Variants in RNF187 observed in about 807,000 individuals in gnomAD.
RNF187 encodes ring finger protein 187, also known as E3 ubiquitin-protein ligase RNF187.
Under a neutral mutation model 22.2 loss-of-function variants are expected in RNF187, and 18 were observed. That is an observed-to-expected ratio of 0.81 (90% CI 0.56 to 1.20). The LOEUF (loss-of-function observed/expected upper bound fraction) is 1.20. Among genes scored for constraint, RNF187 ranks in the 50% most tolerant of loss-of-function variants. The pLI, the probability that RNF187 is intolerant of heterozygous loss-of-function variation, is 0.00. For synonymous variants in RNF187, 164 were observed against 140.9 expected (o/e 1.16, Z -1.16); for missense variants, 329 against 317.6 (o/e 1.04, Z -0.27).
chr1:228,495,781 CTA>C lies in RNF187; in HGVS notation c.*1898_*1899del. On this transcript the variant is annotated 3_prime_UTR_variant, in exon 4 of 4. Transcript: ENST00000305943. ...GGGGCACAGTGTGATGTTTTGATATCTATGTACATTGTGGAGTGACAGATTAA... is the reference window on the plus strand; with the variant it reads ...GGGGCACAGTGTGATGTTTTGATATCTGTACATTGTGGAGTGACAGATTAA... 2 of 967,390 alleles carry C rather than the reference CTA, an allele frequency of 2.1e-6. No individual in the cohort carries two copies. The highest frequency in any genetic ancestry group is 1.1e-4 in the East Asian group (1 of 8,738). 59.9% of individuals were successfully genotyped at this position (967,390 alleles called of 1,614,324 possible).
chr1:228,487,389 T>C lies in RNF187; in HGVS notation c.-100T>C, dbSNP rs934836566. The C allele has an allele frequency of 4.9e-6, 5 of 1,013,356 alleles. No individual in the cohort carries two copies. The highest frequency in any genetic ancestry group is 1.2e-4 in the Admixed American group (2 of 17,210). The allele number at this position is 1,013,356 out of a possible 1,614,324, so 62.8% of individuals were successfully genotyped here. On this transcript the variant is annotated 5_prime_UTR_variant, in exon 1 of 4. Coordinates refer to ENST00000305943, the MANE Select transcript of RNF187 (RefSeq NM_001010858.3). The stretch of plus-strand genomic sequence containing the variant: ...CCCGTGCGCGTCCCCGGCGTTGGCG[T>C]CTTCGTCCTGTTGCTGGTCTCCGTC...
chr1:228,493,661 C>G lies in RNF187; in HGVS notation c.706-222C>G. On this transcript the variant is annotated intron_variant, in intron 3 of 3. Coordinates refer to ENST00000305943, the MANE Select transcript of RNF187 (RefSeq NM_001010858.3). This position sits in a 1 kb window ranked among gnomAD's most constrained non-coding sequence, Gnocchi z 4.7. ...AGACCCTGCAGCAACCCAGATGGCCCTGAACGGTTCAGTTGCCCGTGCCAG... is the reference window on the plus strand; with the variant it reads ...AGACCCTGCAGCAACCCAGATGGCCGTGAACGGTTCAGTTGCCCGTGCCAG... Among the ~76,000 whole-genome samples, 1 of 152,258 alleles carries G rather than the reference C, an allele frequency of 6.6e-6. No individual in the cohort carries two copies. The highest frequency in any genetic ancestry group is 2.4e-5 in the African/African-American group (1 of 41,478).
intron 2 of RNF187, among the ~76,000 whole-genome samples, chr1:228,492,617 G>GC: frequency 7.7e-6 from 1 of 129,072 alleles, no homozygotes; most frequent in African/African-American, 3.2e-5. Context: ...CCCGTGCCTG[G>GC]CTTTTTTTTT....
At position 228,495,409 on chromosome 1, in the gene RNF187, G is replaced by A; in HGVS notation, c.*1524G>A. ...CTAAAACTGGATTTCATAAGAAAGG[G>A]CAAAGAGGGCCCTAGGAGAAGATTC... is the stretch of plus-strand genomic sequence containing the variant. On this transcript the variant is annotated 3_prime_UTR_variant, in exon 4 of 4. Coordinates refer to ENST00000305943, the MANE Select transcript of RNF187 (RefSeq NM_001010858.3). 3 of 921,294 alleles carry A rather than the reference G, an allele frequency of 3.3e-6. No homozygotes were observed. The highest frequency in any genetic ancestry group is 3.9e-6 in the Non-Finnish European group (3 of 771,628). 57.1% of individuals were successfully genotyped at this position (921,294 alleles called of 1,614,324 possible).
intron 2 of RNF187, among the ~76,000 whole-genome samples, chr1:228,492,700 C>G: frequency 6.9e-6 from 1 of 145,062 alleles, no homozygotes; most frequent in Non-Finnish European, 1.5e-5. Context: ...AACTCGGGCT[C>G]ACTGCAACCT....
At position 228,491,446 on chromosome 1, in the gene RNF187, A is replaced by AT; in HGVS notation, c.484-1595dup. ...GGGTTAATGGGAGAAAAAACATAGG[A>AT]TTTTTTTTTTTTGAGATGGAGTCTT... On this transcript the variant is annotated intron_variant, in intron 2 of 3. Coordinates refer to ENST00000305943, the MANE Select transcript of RNF187 (RefSeq NM_001010858.3). 3.1e-3 allele frequency among the ~76,000 whole-genome samples: 433 copies of AT among 140,852 alleles called. 2 individuals carry two copies. Among genetic ancestry groups the AT allele is most frequent in the African/African-American group, 6.2e-3 (238 of 38,692 alleles). The allele number at this position is 140,852 out of a possible 152,430, so 92.4% of individuals were successfully genotyped here.
Position 228,495,400 on chromosome 1 carries a change from TAAGA to T in RNF187, c.*1519_*1522del. ...GGGTTCTTGCTAAAACTGGATTTCA[TAAGA>T]AAGGGCAAAGAGGGCCCTAGGAGAA... On this transcript the variant is annotated 3_prime_UTR_variant, in exon 4 of 4. Transcript: ENST00000305943. 5.0e-5 allele frequency: 44 copies of T among 888,352 alleles called. No individual in the cohort carries two copies. Among genetic ancestry groups the T allele is most frequent in the African/African-American group, 2.2e-4 (12 of 55,208 alleles). 55.0% of individuals were successfully genotyped at this position (888,352 alleles called of 1,614,324 possible). A position where few individuals can be genotyped will look rare whatever the true frequency, so the allele number is the denominator to read the frequency against.
chr1:228,489,664 A>T, intron 2 of RNF187, among the ~76,000 whole-genome samples: 1 of 152,204 alleles, frequency 6.6e-6, no homozygotes, highest in South Asian at 2.1e-4. Context: ...CTAGAAGTCC[A>T]AGATGAAGGA....
Position 228,493,525 on chromosome 1 carries a change from C to A in RNF187, c.705+251C>A. 5.9e-5 allele frequency among the ~76,000 whole-genome samples: 9 copies of A among 152,228 alleles called. No individual in the cohort carries two copies. Among genetic ancestry groups the A allele is most frequent in the African/African-American group, 2.2e-4 (9 of 41,452 alleles). On this transcript the variant is annotated intron_variant, in intron 3 of 3. Coordinates refer to ENST00000305943, the MANE Select transcript of RNF187 (RefSeq NM_001010858.3). This position sits in a 1 kb window ranked among gnomAD's most constrained non-coding sequence, Gnocchi z 4.7. Reference sequence around the variant, plus strand: ...GGAGGGCACTTGGCATCCCGAGTGCCCGAGCATGGAAGGCTCCTGCCTCGC... The same window carrying A: ...GGAGGGCACTTGGCATCCCGAGTGCACGAGCATGGAAGGCTCCTGCCTCGC...
Position 228,494,161 on chromosome 1 carries a change from T to C in RNF187, c.*276T>C. On this transcript the variant is annotated 3_prime_UTR_variant, in exon 4 of 4. Coordinates refer to ENST00000305943, the MANE Select transcript of RNF187 (RefSeq NM_001010858.3). Reference sequence around the variant, plus strand: ...CTAGCCACAGCCCATCCTCCATGAGTCCCGGCAGCTCTGGGTCATGCCCTT... The same window carrying C: ...CTAGCCACAGCCCATCCTCCATGAGCCCCGGCAGCTCTGGGTCATGCCCTT... 2 of 1,401,452 alleles carry C rather than the reference T, an allele frequency of 1.4e-6. No homozygotes were observed. The highest frequency in any genetic ancestry group is 2.9e-5 in the African/African-American group (2 of 68,832). 86.8% of individuals were successfully genotyped at this position (1,401,452 alleles called of 1,614,324 possible).
chr1:228,493,735 G>A lies in RNF187; in HGVS notation c.706-148G>A. 3 of 909,804 alleles carry A rather than the reference G, an allele frequency of 3.3e-6. No individual in the cohort carries two copies. In the African/African-American group the frequency reaches 4.9e-5, roughly 15 times the overall value. 56.4% of individuals were successfully genotyped at this position (909,804 alleles called of 1,614,324 possible). On this transcript the variant is annotated intron_variant, in intron 3 of 3. Transcript: ENST00000305943. The surrounding 1 kb of genome is among the most constrained non-coding windows in gnomAD (Gnocchi z 4.7). The stretch of plus-strand genomic sequence containing the variant: ...CTGGGGAGACGGAAGTCTGGGCCAG[G>A]CCCTGGGTTTGTTGTGCTCAGGACA...
At position 228,494,564 on chromosome 1, in the gene RNF187, C is replaced by G; in HGVS notation, c.*679C>G. ...CCTCCGCAGAAGGAAGCCTCTTTCTCTGTTTCCCTGGGTGAGGGGGCTGGC... is the reference window on the plus strand; with the variant it reads ...CCTCCGCAGAAGGAAGCCTCTTTCTGTGTTTCCCTGGGTGAGGGGGCTGGC... On this transcript the variant is annotated 3_prime_UTR_variant, in exon 4 of 4. Coordinates refer to ENST00000305943, the MANE Select transcript of RNF187 (RefSeq NM_001010858.3). 3.0e-6 allele frequency: 3 copies of G among 985,934 alleles called. No homozygotes were observed. In the African/African-American group the frequency reaches 5.2e-5, roughly 17 times the overall value. 61.1% of individuals were successfully genotyped at this position (985,934 alleles called of 1,614,324 possible).
chr1:228,495,814 C>T lies in RNF187; in HGVS notation c.*1929C>T. On this transcript the variant is annotated 3_prime_UTR_variant, in exon 4 of 4. Coordinates refer to ENST00000305943, the MANE Select transcript of RNF187 (RefSeq NM_001010858.3). ...ATTGTGGAGTGACAGATTAATGTATCCATCTCATGTTTTTTTTGGTGGTGA... is the reference window on the plus strand; with the variant it reads ...ATTGTGGAGTGACAGATTAATGTATTCATCTCATGTTTTTTTTGGTGGTGA... The T allele has an allele frequency of 2.2e-6, 2 of 892,844 alleles. No homozygotes were observed. The highest frequency in any genetic ancestry group is 6.2e-5 in the Admixed American group (1 of 16,160). The allele number at this position is 892,844 out of a possible 1,614,324, so 55.3% of individuals were successfully genotyped here.
In RNF187 at chr1:228,487,573, C is replaced by A; in HGVS notation, c.85C>A (p.His29Asn). The change falls in exon 1 of 4, where the codon CAC becomes AAC. Residue 29 changes from histidine to asparagine, a missense_variant. Physicochemically the swap from His to Asn is moderately conservative, Grantham distance 68. Coordinates refer to ENST00000305943, the MANE Select transcript of RNF187 (RefSeq NM_001010858.3). ...GGAACCGGTGCGCGCCGACTGCGGC[C>A]ACCGCTTCTGTCGGGCGTGCGTGGT... 7.9e-7 allele frequency: 1 copy of A among 1,258,788 alleles called. No individual in the cohort carries two copies. 78.0% of individuals were successfully genotyped at this position (1,258,788 alleles called of 1,614,324 possible).
chr1:228,492,771 C>G, intron 2 of RNF187, among the ~76,000 whole-genome samples: 1 of 151,358 alleles, frequency 6.6e-6, no homozygotes, highest in African/African-American at 2.4e-5. Context: ...GGATTACAGG[C>G]GTGCCACCAC....
chr1:228,493,383 A>C lies in RNF187; in HGVS notation c.705+109A>C. On this transcript the variant is annotated intron_variant, in intron 3 of 3. Transcript: ENST00000305943. The surrounding 1 kb of genome is among the most constrained non-coding windows in gnomAD (Gnocchi z 4.7). ...AGTCAAGGCTTAAAAGCCCAGCCTG[A>C]CTCCCACTGCCGTGGCCTTGCAGGG... The C allele has an allele frequency of 6.9e-7, 1 of 1,448,428 alleles. No individual in the cohort carries two copies. Among genetic ancestry groups the C allele is most frequent in the Non-Finnish European group, 9.1e-7 (1 of 1,098,536 alleles). 89.7% of individuals were successfully genotyped at this position (1,448,428 alleles called of 1,614,324 possible).
chr1:228,493,154 G>T lies in RNF187; in HGVS notation c.585G>T (p.Lys195Asn). 1.3e-6 allele frequency: 2 copies of T among 1,551,766 alleles called. No homozygotes were observed. Among genetic ancestry groups the T allele is most frequent in the Non-Finnish European group, 1.7e-6 (2 of 1,146,996 alleles). The change falls in exon 3 of 4, where the codon AAG becomes AAT. Residue 195 changes from lysine to asparagine, a missense_variant. Physicochemically the swap from Lys to Asn is moderately conservative, Grantham distance 94. Coordinates refer to ENST00000305943, the MANE Select transcript of RNF187 (RefSeq NM_001010858.3). The surrounding 1 kb of genome is among the most constrained non-coding windows in gnomAD (Gnocchi z 4.7). Reference sequence around the variant, plus strand: ...AGCATTTCCTGCAGGAGGCTGAGAAGGAGGAGGGGCTCCCTGAGGACGAGC... The same window carrying T: ...AGCATTTCCTGCAGGAGGCTGAGAATGAGGAGGGGCTCCCTGAGGACGAGC...
At position 228,493,921 on chromosome 1, in the gene RNF187, A is replaced by G; in HGVS notation, c.*36A>G. ...CCGTGGCAGTCCCAGAGCTGGAGGC[A>G]GGAGGATGGATCCTCATCTCCATGG... On this transcript the variant is annotated 3_prime_UTR_variant, in exon 4 of 4. Coordinates refer to ENST00000305943, the MANE Select transcript of RNF187 (RefSeq NM_001010858.3). The surrounding 1 kb of genome is among the most constrained non-coding windows in gnomAD (Gnocchi z 4.7). 6.5e-5 allele frequency: 101 copies of G among 1,551,718 alleles called. No individual in the cohort carries two copies. In the African/African-American group the frequency reaches 1.1e-3, roughly 17 times the overall value.
chr1:228,492,084 C>G, intron 2 of RNF187, among the ~76,000 whole-genome samples: 1 of 152,078 alleles, frequency 6.6e-6, no homozygotes, highest in Admixed American at 6.6e-5. Context: ...AGGCCTTGCT[C>G]TGTTGGCCCA....
Sources: gnomAD v4.1 joint callset for allele counts (sites outside exome capture counted in the v4.1 genomes callset) on GRCh38, gnomAD v4.1.1 for gene constraint, Gnocchi (gnomAD v3.1) non-coding constraint, MANE v1.5 for transcripts, NCBI Gene and HGNC (gene_info 2026-07-23, HGNC 2026-07-21) for gene names.